ANO1: variants seen among roughly 807,000 people sequenced by gnomAD.
The protein encoded by ANO1 is anoctamin 1.
ANO1 carries 59 observed loss-of-function variants against 124.0 expected under a neutral mutation model. That is an observed-to-expected ratio of 0.48 (90% confidence interval 0.39 to 0.59). ANO1 has a LOEUF of 0.59. ANO1 is among the 20% of genes least tolerant of loss of function. The pLI, the probability that ANO1 is intolerant of heterozygous loss-of-function variation, is 0.00. For missense variants in ANO1, 1,059 were observed against 1,328.0 expected, an observed-to-expected ratio of 0.80 and a Z score of 3.15; for synonymous variants, 529 against 532.0, an observed-to-expected ratio of 0.99 and a Z score of 0.08.
intron 2 of ANO1, among the ~76,000 whole-genome samples, chr11:70,093,213 CT>C (rs1262880301): frequency 4.2e-4 from 62 of 149,338 alleles, no homozygotes; most frequent in African/African-American, 1.4e-3. Flanking sequence ...TCTTCCCCCT[CT>C]CTCTCTCTTC....
chr11:70,064,867 G>C (rs114585813), intron 1 of ANO1: 1 of 152,232 alleles, frequency 6.6e-6, no homozygotes, highest in Non-Finnish European at 1.5e-5. Flanking sequence ...ACAGACACTC[G>C]GGGCCATCAC....
intron 16 of ANO1, among the ~76,000 whole-genome samples, chr11:70,157,253 G>C (rs368618330): frequency 2.0e-5 from 3 of 151,466 alleles, no homozygotes; most frequent in Admixed American, 6.6e-5. Context: ...TGTAGTCCCA[G>C]CTACTCAGGA....
chr11:70,113,580 C>T (rs2045872251), intron 7 of ANO1, among the ~76,000 whole-genome samples: 1 of 152,132 alleles, frequency 6.6e-6, no homozygotes, highest in Non-Finnish European at 1.5e-5. Context: ...CTGCCTGGCA[C>T]AGCCCATGAT....
At chr11:70,080,578 T>C (rs2044171247) in intron 1 of ANO1, among the ~76,000 whole-genome samples, 1 of 152,178 alleles carries the variant, frequency 6.6e-6, no homozygotes, top group African/African-American at 2.4e-5. Context: ...CTGTCATGAA[T>C]AGCCCCCGGT....
At chr11:70,180,616 G>A (rs374033202) in intron 23 of ANO1, among the ~76,000 whole-genome samples, 3 of 151,826 alleles carry the variant, frequency 2.0e-5, no homozygotes, top group South Asian at 2.1e-4. Flanking sequence ...GCCCACCTTC[G>A]CCCCTAAGTC....
intron 7 of ANO1, among the ~76,000 whole-genome samples, chr11:70,115,448 A>G (rs1240207688): frequency 2.0e-5 from 3 of 152,130 alleles, no homozygotes; most frequent in African/African-American, 4.8e-5. Flanking sequence ...CCCTGTCTCT[A>G]CTAAAAATAC....
chr11:70,093,178 C>A (rs1430026270), intron 2 of ANO1, among the ~76,000 whole-genome samples: 1 of 151,358 alleles, frequency 6.6e-6, no homozygotes, highest in African/African-American at 2.4e-5. Context: ...CTCTATCATT[C>A]CCTTTCTCTC....
chr11:70,052,679 A>G (rs1372669886), intron 1 of ANO1, among the ~76,000 whole-genome samples: 1 of 150,804 alleles, frequency 6.6e-6, no homozygotes, highest in Non-Finnish European at 1.5e-5. Flanking sequence ...CAGCTTCCCA[A>G]GTAGCTGGGA....
chr11:70,019,340 ACATGCACACACG>A lies in ANO1; in HGVS notation c.58+33181_58+33192del, dbSNP rs1457157570. ...CATGCACACACACGCACGCACACAC[ACATGCACACACG>A]CATGCAAACATAAAATGTGAGGAGG... On this transcript the variant is annotated intron_variant, in intron 1 of 27. Coordinates refer to the ANO1 transcript ENST00000531349. 3.4e-3 allele frequency among the ~76,000 whole-genome samples: 507 copies of A among 150,846 alleles called. 4 individuals carry two copies. Among genetic ancestry groups the A allele is most frequent in the African/African-American group, 0.012 (491 of 41,108 alleles).
At chr11:70,173,492 C>T (rs540102532) in intron 22 of ANO1, among the ~76,000 whole-genome samples, 6 of 152,322 alleles carry the variant, frequency 3.9e-5, no homozygotes, top group African/African-American at 1.4e-4. Flanking sequence ...TGCTAACCAC[C>T]AGCATCCCTG....
intron 1 of ANO1, among the ~76,000 whole-genome samples, chr11:70,004,159 A>G (rs1554999726): frequency 6.6e-6 from 1 of 151,760 alleles, no homozygotes; most frequent in African/African-American, 2.4e-5. Context: ...CCTGCACCCC[A>G]CCTGACTTTG....
intron 1 of ANO1, among the ~76,000 whole-genome samples, chr11:70,020,267 C>T (rs1856777445): frequency 6.6e-6 from 1 of 152,234 alleles, no homozygotes; most frequent in Admixed American, 6.5e-5. Flanking sequence ...CCCAACAGCC[C>T]ACTTCCTATC....
At chr11:69,998,418 C>T (rs945442564) in intron 1 of ANO1, among the ~76,000 whole-genome samples, 6 of 152,076 alleles carry the variant, frequency 3.9e-5, no homozygotes, top group East Asian at 1.9e-4. Context: ...CCAGCGTCCT[C>T]GGTTCAGGGG....
At chr11:69,969,375 G>A in the ANO1 span, among the ~76,000 whole-genome samples, 2 of 152,298 alleles carry the variant, frequency 1.3e-5, no homozygotes, top group East Asian at 1.9e-4. Context: ...GGCAAATCTG[G>A]GGAGTCTCTC....
chr11:70,143,736 C>T (rs564212679), intron 11 of ANO1, among the ~76,000 whole-genome samples: 4 of 152,304 alleles, frequency 2.6e-5, no homozygotes, highest in East Asian at 1.9e-4. Flanking sequence ...TGTGTCCCTC[C>T]GGCCCATTCT....
chr11:70,179,216 C>T (rs1236261595), intron 22 of ANO1, among the ~76,000 whole-genome samples: 3 of 152,234 alleles, frequency 2.0e-5, no homozygotes, highest in Non-Finnish European at 4.4e-5. Context: ...AGAGAGCAGG[C>T]CCCAGGATTG....
At chr11:70,161,796 TC>T in intron 18 of ANO1, 63 bp downstream of exon 18, 1 of 1,518,934 alleles carries the variant, frequency 6.6e-7, no homozygotes, top group Non-Finnish European at 9.1e-7. Context: ...GGGCTCTCCC[TC>T]CCCACAGGTT....
At chr11:70,130,367 G>GC (rs2046703069) in intron 10 of ANO1, among the ~76,000 whole-genome samples, 1 of 152,168 alleles carries the variant, frequency 6.6e-6, no homozygotes, top group Admixed American at 6.5e-5. Context: ...TCCACAAGGA[G>GC]CCCCCCATGG....
intron 1 of ANO1, chr11:70,085,424 A>T (rs375923983): frequency 5.9e-6 from 9 of 1,529,310 alleles, no homozygotes; most frequent in Admixed American, 2.0e-5. Flanking sequence ...ACGCACACTG[A>T]GTCCAGGTCC....
Sources: gnomAD v4.1 joint callset for allele counts (sites outside exome capture counted in the v4.1 genomes callset) on GRCh38, gnomAD v4.1.1 for gene constraint, MANE v1.5 for transcripts, NCBI Gene and HGNC (gene_info 2026-07-23, HGNC 2026-07-21) for gene names.